Variants in GLDC observed in about 807,000 individuals in gnomAD.
GLDC encodes glycine dehydrogenase (decarboxylating), mitochondrial.
A neutral mutation model predicts 121.3 loss-of-function variants in GLDC; 104 were observed. That is an observed-to-expected ratio of 0.86 (90% confidence interval 0.73 to 1.01). GLDC has a LOEUF of 1.01. GLDC is among the 50% of genes least tolerant of loss of function. The pLI is 0.00. For missense variants in GLDC, 1,429 were observed against 1,306.6 expected (o/e 1.09, Z -1.44); for synonymous variants, 546 against 480.6 (o/e 1.14, Z -1.78).
At chr9:6,579,035 T>C (rs1818126604) in intron 15 of GLDC, among the ~76,000 whole-genome samples, 1 of 152,248 alleles carries the variant, frequency 6.6e-6, no homozygotes, top group South Asian at 2.1e-4. Flanking sequence ...TTTATTTCTC[T>C]ATGTTTTTAA....
rs144939090 is a variant in GLDC at position 6,536,229 on chromosome 9, G to A, written c.2673C>T (p.His891=). The stretch of plus-strand genomic sequence containing the variant: ...CCACAGGCCAGGACATGGTAGGGGC[G>A]TGAAATCCTGCAAAGGGAGACAGGA... The part of the protein sequence containing the change: ...VAKRLQDYGF[H]APTMSWPVAG... The change falls in exon 23 of 25, where the codon CAC becomes CAT. Residue 891 remains histidine, a synonymous_variant. Transcript: ENST00000321612. The A allele has an allele frequency of 1.1e-4, 173 of 1,613,150 alleles. No individual in the cohort carries two copies. Among genetic ancestry groups the A allele is most frequent in the Non-Finnish European group, 1.4e-4 (168 of 1,179,624 alleles).
intron 2 of GLDC, among the ~76,000 whole-genome samples, chr9:6,628,075 G>C (rs931883695): frequency 6.6e-6 from 1 of 152,170 alleles, no homozygotes; most frequent in Non-Finnish European, 1.5e-5. Context: ...ACAGAATCCA[G>C]TGTCTAAGTC....
chr9:6,625,840 A>T (rs1819225643), intron 2 of GLDC, among the ~76,000 whole-genome samples: 1 of 151,270 alleles, frequency 6.6e-6, no homozygotes, highest in Non-Finnish European at 1.5e-5. Flanking sequence ...GAGAAGGAGT[A>T]GATAGGATCT....
intron 2 of GLDC, among the ~76,000 whole-genome samples, chr9:6,637,698 C>G (rs1386679140): frequency 6.6e-6 from 1 of 152,100 alleles, no homozygotes; most frequent in Non-Finnish European, 1.5e-5. Flanking sequence ...AACTCCTGGC[C>G]TCAAGTGATC....
chr9:6,610,352 T>C lies in GLDC; in HGVS notation c.475A>G (p.Thr159Ala). 6.2e-7 allele frequency: 1 copy of C among 1,614,028 alleles called. No individual in the cohort carries two copies. The highest frequency in any genetic ancestry group is 1.6e-4 in the Middle Eastern group (1 of 6,062). The change falls in exon 4 of 25, where the codon ACC (threonine) becomes GCC (alanine). Residue 159 changes from threonine (T) to alanine (A), a missense_variant. Physicochemically the swap from Thr to Ala is moderately conservative, Grantham distance 58 (BLOSUM62 0). Transcript: ENST00000321612. The stretch of plus-strand genomic sequence containing the variant: ...TCAGGCTGGTATGGAGTATACTGGG[T>C]GATCCTGCAAGGGAAACAAAAGGTC... Reference protein sequence around the residue: ...RNLLENSGWITQYTPYQPEVS... With the variant: ...RNLLENSGWIAQYTPYQPEVS...
At chr9:6,537,526 A>T (rs1354780827) in intron 22 of GLDC, among the ~76,000 whole-genome samples, 2 of 152,200 alleles carry the variant, frequency 1.3e-5, no homozygotes, top group Non-Finnish European at 2.9e-5. Flanking sequence ...CACACCTATA[A>T]TCCCAGCACT....
intron 17 of GLDC, among the ~76,000 whole-genome samples, chr9:6,557,338 G>A (rs1305118493): frequency 2.0e-5 from 3 of 152,316 alleles, no homozygotes; most frequent in African/African-American, 7.2e-5. Context: ...GCTCACGCCT[G>A]TAATCTCAGC....
chr9:6,586,356 T>G (rs1818272640), intron 15 of GLDC, among the ~76,000 whole-genome samples: 1 of 152,172 alleles, frequency 6.6e-6, no homozygotes, highest in South Asian at 2.1e-4. Flanking sequence ...CCCTGGAGGT[T>G]ATGATCAGTG....
chr9:6,588,108 C>A, intron 14 of GLDC, among the ~76,000 whole-genome samples: 1 of 101,214 alleles, frequency 9.9e-6, no homozygotes, highest in Non-Finnish European at 1.8e-5. Context: ...TTTAATATGA[C>A]AGGTTTAAAA....
At chr9:6,590,304 A>T (rs528706347) in intron 11 of GLDC, among the ~76,000 whole-genome samples, 5 of 152,332 alleles carry the variant, frequency 3.3e-5, no homozygotes, top group Non-Finnish European at 7.3e-5. Flanking sequence ...CAGAATATAT[A>T]ATCAATACAT....
At chr9:6,627,648 T>C (rs1819273561) in intron 2 of GLDC, among the ~76,000 whole-genome samples, 1 of 152,164 alleles carries the variant, frequency 6.6e-6, no homozygotes, top group African/African-American at 2.4e-5. Context: ...TAGTCACGCT[T>C]CTTTCCATTC....
At chr9:6,540,571 T>C in intron 21 of GLDC, 1 of 198,756 alleles carries the variant, frequency 5.0e-6, no homozygotes, top group Non-Finnish European at 1.0e-5. Flanking sequence ...TCAGCAACTT[T>C]ACCCTCAACA....
rs56988236 is a variant in GLDC at position 6,611,656 on chromosome 9, G to C, written c.471-1300C>G. 2.1e-3 allele frequency among the ~76,000 whole-genome samples: 318 copies of C among 152,138 alleles called. 1 individual carries two copies. Among genetic ancestry groups the C allele is most frequent in the African/African-American group, 7.3e-3 (302 of 41,530 alleles). ...GAATGCATAGTATTATATTCACACT[G>C]TCTAATTATCATTTCCTTTTTAGCA... On this transcript the variant is annotated intron_variant, in intron 3 of 24. Coordinates refer to ENST00000321612, the MANE Select transcript of GLDC (RefSeq NM_000170.3).
rs770724054 is a variant in GLDC, at chr9:6,592,855, C to T, written c.1397G>A (p.Gly466Asp). ...AATACTGAAAATTTGACTTACTGTG[C>T]CATCCTCAAAAAGCCGAAAATTGAT... ...RQINFRLFED[G>D]TLGISLDETV... Residue 466 changes from glycine (G) to aspartate (D), a missense_variant, in exon 10 of 25, where the codon GGC (glycine) becomes GAC (aspartate). By Grantham distance (94) the Gly-to-Asp change is moderately conservative. Transcript: ENST00000321612. The T allele has an allele frequency of 3.0e-5, 48 of 1,612,758 alleles. No homozygotes were observed. Among genetic ancestry groups the T allele is most frequent in the Non-Finnish European group, 3.4e-6 (4 of 1,179,712 alleles).
chr9:6,597,267 G>C (rs1818509380), intron 8 of GLDC, among the ~76,000 whole-genome samples: 1 of 152,122 alleles, frequency 6.6e-6, no homozygotes, highest in Non-Finnish European at 1.5e-5. Context: ...TTTCTTTTTG[G>C]GGTAATAAAA....
rs1554646529 is a variant in GLDC at position 6,587,268 on chromosome 9, C to A, written c.1723G>T (p.Glu575Ter). 1.2e-6 allele frequency: 2 copies of A among 1,613,546 alleles called. No homozygotes were observed. The highest frequency in any genetic ancestry group is 2.7e-5 in the African/African-American group (2 of 74,862). Residue 575 changes from glutamate to a stop codon, truncating the protein, a stop_gained, in exon 15 of 25, where the codon GAA (glutamate) becomes TAA (stop). Coordinates refer to ENST00000321612, the MANE Select transcript of GLDC (RefSeq NM_000170.3). LOFTEE classifies it high-confidence loss of function. ...ACAAAGGGGTGGATGTTTGCAAATT[C>A]TTTCCATGTGATAGGCTGAAAAGAA... ...SSELAPITWKEFANIHPFVPL... is the reference protein window; with the variant it reads ...SSELAPITWK
chr9:6,607,444 A>G (rs1266256089), intron 4 of GLDC, among the ~76,000 whole-genome samples: 3 of 151,808 alleles, frequency 2.0e-5, no homozygotes, highest in East Asian at 2.0e-4. Flanking sequence ...GTAGCCAGGC[A>G]TGGTGGTGCA....
At chr9:6,620,413 G>T in intron 2 of GLDC, 94 bp from the exon 3 acceptor site, 1 of 1,072,004 alleles carries the variant, frequency 9.3e-7, no homozygotes. Flanking sequence ...GAGTATTTAT[G>T]ACAGAATAAC....
intron 2 of GLDC, among the ~76,000 whole-genome samples, chr9:6,632,649 A>T (rs1051428211): frequency 3.3e-5 from 5 of 151,928 alleles, no homozygotes; most frequent in Admixed American, 3.3e-4. Flanking sequence ...GCCCACAGCG[A>T]CTCACGTCCC....
Sources: allele counts gnomAD v4.1 joint callset (sites outside exome capture counted in the v4.1 genomes callset), GRCh38; gene constraint gnomAD v4.1.1; transcripts MANE v1.5; gene names NCBI Gene and HGNC (gene_info 2026-07-23, HGNC 2026-07-21).